Variants in AGO1 observed in about 807,000 individuals in gnomAD.
AGO1 encodes the protein argonaute RISC component 1.
A neutral mutation model predicts 109.2 loss-of-function variants in AGO1; 11 were observed. The ratio of observed to expected loss-of-function variants is 0.10; its 90% CI spans 0.06 to 0.17. AGO1 has a LOEUF of 0.17. Among genes scored for constraint, AGO1 ranks in the 10% least tolerant of loss-of-function variants. The probability of loss-of-function intolerance (pLI) is 1.00; values close to 1 mark genes in which losing one functional copy is unlikely to be tolerated. For synonymous variants in AGO1, 422 were observed against 418.6 expected (o/e 1.01, Z -0.10); for missense variants, 574 against 1,140.3 (o/e 0.50, Z 7.15).
At chr1:35,877,956 G>A (rs140988849) in intron 1 of AGO1, among the ~76,000 whole-genome samples, 53 of 152,126 alleles carry the variant, frequency 3.5e-4, no homozygotes, top group African/African-American at 1.2e-3. Context: ...TTCCCAAAGT[G>A]CTGGGATTAC....
chr1:35,903,831 C>T (rs540379096), intron 11 of AGO1, among the ~76,000 whole-genome samples: 2 of 146,764 alleles, frequency 1.4e-5, no homozygotes, highest in Non-Finnish European at 3.0e-5. Context: ...GGCGTGGTGG[C>T]GCGTGCCTGT....
At chr1:35,915,175 G>T (rs1645712316) in intron 14 of AGO1, among the ~76,000 whole-genome samples, 173 bp from the exon 15 acceptor site, 1 of 152,100 alleles carries the variant, frequency 6.6e-6, no homozygotes, top group Admixed American at 6.6e-5. Flanking sequence ...AGATCAGAGA[G>T]ATTGAGTAAC....
At chr1:35,876,250 C>CT (rs899071125) in intron 1 of AGO1, among the ~76,000 whole-genome samples, 29 of 150,084 alleles carry the variant, frequency 1.9e-4, no homozygotes, top group South Asian at 1.1e-3. Flanking sequence ...TGAGGAAATC[C>CT]TTTTTTTTTG....
chr1:35,889,250 C>G (rs1645174274), intron 2 of AGO1, among the ~76,000 whole-genome samples: 2 of 132,398 alleles, frequency 1.5e-5, no homozygotes, highest in South Asian at 2.3e-4. Flanking sequence ...GAGTTTTGCT[C>G]TTGCCCAGGC....
intron 11 of AGO1, among the ~76,000 whole-genome samples, chr1:35,904,886 G>A (rs1471909473): frequency 6.6e-6 from 1 of 152,188 alleles, no homozygotes; most frequent in African/African-American, 2.4e-5. Flanking sequence ...CACTGAGAAA[G>A]GGCATCCTTT....
intron 12 of AGO1, among the ~76,000 whole-genome samples, chr1:35,912,406 T>C (rs1645652384): frequency 6.7e-6 from 1 of 149,756 alleles, no homozygotes; most frequent in Admixed American, 6.6e-5. Flanking sequence ...CTACTACCTG[T>C]ACCTAATTAT....
At chr1:35,885,718 C>T (rs148209641) in intron 1 of AGO1, among the ~76,000 whole-genome samples, 1 of 152,370 alleles carries the variant, frequency 6.6e-6, no homozygotes, top group Non-Finnish European at 1.5e-5. Context: ...GTTCCAAGCA[C>T]ATACAGTGGA....
At position 35,925,204 on chromosome 1, in the gene AGO1, T is replaced by TC. The variant is rs375747906; in HGVS notation, c.*5598dup. On this transcript the variant is annotated 3_prime_UTR_variant, in exon 19 of 19. Coordinates refer to ENST00000373204, the MANE Select transcript of AGO1 (RefSeq NM_012199.5). ...CTGCAGAGAGGGAGTTCTTTTTTTT[T>TC]CTGTGTGTTTTACCTTTCTACTCCC... is the stretch of plus-strand genomic sequence containing the variant. 6.6e-6 allele frequency: 1 copy of TC among 151,768 alleles called. No homozygotes were observed. The highest frequency in any genetic ancestry group is 2.4e-5 in the African/African-American group (1 of 41,336). 9.4% of individuals were successfully genotyped at this position (151,768 alleles called of 1,614,324 possible). A position where few individuals can be genotyped will look rare whatever the true frequency, so the allele number is the denominator to read the frequency against.
rs1236070010 is a variant in AGO1, at chr1:35,901,100, C to A, written c.1021-374C>A. Among the ~76,000 whole-genome samples, 1 of 151,576 alleles carries A rather than the reference C, an allele frequency of 6.6e-6. No homozygotes were observed. The highest frequency in any genetic ancestry group is 1.5e-5 in the Non-Finnish European group (1 of 67,920). On this transcript the variant is annotated intron_variant, in intron 8 of 18. Coordinates refer to ENST00000373204, the MANE Select transcript of AGO1 (RefSeq NM_012199.5). The surrounding 1 kb of genome is among the most constrained non-coding windows in gnomAD (Gnocchi z 4.8). ...GGTTCAAGCGATTCTTGTTCCTCAG[C>A]CTCCTGAGTAGCTGGGATTACAGGC...
Position 35,907,046 on chromosome 1 carries a change from C to T in AGO1, c.1509C>T (p.Phe503=), listed in dbSNP as rs1466906554. 6.2e-7 allele frequency: 1 copy of T among 1,613,970 alleles called. No homozygotes were observed. Among genetic ancestry groups the T allele is most frequent in the African/African-American group, 1.3e-5 (1 of 74,894 alleles). Residue 503 remains phenylalanine (F), a synonymous_variant, in exon 12 of 19, where the codon TTC becomes TTT. Coordinates refer to ENST00000373204, the MANE Select transcript of AGO1 (RefSeq NM_012199.5). ...GGGCAGACAGCGTGGAGCCTATGTT[C>T]CGGCATCTCAAGAACACCTACTCAG... is the stretch of plus-strand genomic sequence containing the variant. ...AQGADSVEPM[F]RHLKNTYSGL... is the part of the protein sequence containing the mutation.
rs995984054 is a variant in AGO1 at position 35,893,963 on chromosome 1, G to T, written c.650-74G>T. ...ATCCCAATGCCCTTTAAGGAAGAGG[G>T]TATAAATTGCTGTGCCTCCATGTAT... is the stretch of plus-strand genomic sequence containing the variant. On this transcript the variant is annotated intron_variant, in intron 5 of 18. Transcript: ENST00000373204. The surrounding 1 kb of genome is among the most constrained non-coding windows in gnomAD (Gnocchi z 5.6). 69 of 1,521,676 alleles carry T rather than the reference G, an allele frequency of 4.5e-5. No homozygotes were observed. In the Middle Eastern group the frequency reaches 1.4e-3, roughly 32 times the overall value. The allele number at this position is 1,521,676 out of a possible 1,614,324, so 94.3% of individuals were successfully genotyped here.
Position 35,919,687 on chromosome 1 carries a change from C to A in AGO1, c.*80C>A. ...CTGTGCCACCCAAATCCAGAGGAAGCAAGGAGGAGGGAGGTGGGGTAGGGA... is the reference window on the plus strand; with the variant it reads ...CTGTGCCACCCAAATCCAGAGGAAGAAAGGAGGAGGGAGGTGGGGTAGGGA... On this transcript the variant is annotated 3_prime_UTR_variant, in exon 19 of 19. Transcript: ENST00000373204. The surrounding 1 kb of genome is among the most constrained non-coding windows in gnomAD (Gnocchi z 6.6). 2 of 1,367,586 alleles carry A rather than the reference C, an allele frequency of 1.5e-6. No homozygotes were observed. Among genetic ancestry groups the A allele is most frequent in the South Asian group, 1.3e-5 (1 of 79,138 alleles). 84.7% of individuals were successfully genotyped at this position (1,367,586 alleles called of 1,614,324 possible).
At chr1:35,899,727 T>C (rs1645381888) in intron 8 of AGO1, among the ~76,000 whole-genome samples, 1 of 152,240 alleles carries the variant, frequency 6.6e-6, no homozygotes, top group South Asian at 2.1e-4. Flanking sequence ...TTGTTTACCA[T>C]GAACTCTGGG....
In AGO1 at chr1:35,888,742, C is replaced by T. The variant is rs777743016; in HGVS notation, c.209+132C>T. 16 of 979,884 alleles carry T rather than the reference C, an allele frequency of 1.6e-5. No individual in the cohort carries two copies. The highest frequency in any genetic ancestry group is 2.9e-5 in the Admixed American group (1 of 34,626). The allele number at this position is 979,884 out of a possible 1,614,324, so 60.7% of individuals were successfully genotyped here. On this transcript the variant is annotated intron_variant, in intron 2 of 18. Transcript: ENST00000373204. The surrounding 1 kb of genome is among the most constrained non-coding windows in gnomAD (Gnocchi z 4.1). ...GGAAGTTTTTGAACGGGAGATGCCA[C>T]GTCGGGTAAATGCTGAAAAATAGTC...
At chr1:35,912,090 G>A (rs976744456) in intron 12 of AGO1, among the ~76,000 whole-genome samples, 4 of 152,118 alleles carry the variant, frequency 2.6e-5, no homozygotes, top group Non-Finnish European at 4.4e-5. Context: ...GGGCGCGGTG[G>A]CTCACGCGTG....
rs375451995 is a variant in AGO1 at position 35,925,494 on chromosome 1, A to G, written c.*5887A>G. The G allele has an allele frequency of 4.7e-5, 7 of 150,468 alleles. No homozygotes were observed. The highest frequency in any genetic ancestry group is 3.9e-4 in the East Asian group (2 of 5,154). The allele number at this position is 150,468 out of a possible 1,614,324, so 9.3% of individuals were successfully genotyped here. Reference sequence around the variant, plus strand: ...CCATAATTTGTCTTCTTTAGAGCCTATGAACTCCTAGGAGCAGAAGCTATA... The same window carrying G: ...CCATAATTTGTCTTCTTTAGAGCCTGTGAACTCCTAGGAGCAGAAGCTATA... On this transcript the variant is annotated 3_prime_UTR_variant, in exon 19 of 19. Transcript: ENST00000373204.
intron 8 of AGO1, among the ~76,000 whole-genome samples, chr1:35,899,385 AT>A (rs985893756): frequency 1.5e-4 from 23 of 151,960 alleles, no homozygotes; most frequent in Admixed American, 1.3e-3. Context: ...TCCTGTTTTC[AT>A]TTTTTTTGAG....
At chr1:35,878,895 G>GT (rs889655370), upstream of AGO1, among the ~76,000 whole-genome samples, 227 of 142,352 alleles carry the variant, frequency 1.6e-3, no homozygotes, top group South Asian at 6.8e-3. Flanking sequence ...TTCCTCAGTT[G>GT]TTTTTTTTTT....
At chr1:35,894,539 G>A (rs1645283716) in intron 7 of AGO1, 137 bp downstream of exon 7, 1 of 861,278 alleles carries the variant, frequency 1.2e-6, no homozygotes, top group Non-Finnish European at 1.8e-6. Flanking sequence ...AAGATAAGCT[G>A]TGGGAATTTG....
Sources: gnomAD v4.1 joint callset for allele counts (sites outside exome capture counted in the v4.1 genomes callset) on GRCh38, gnomAD v4.1.1 for gene constraint, Gnocchi (gnomAD v3.1) non-coding constraint, MANE v1.5 for transcripts, NCBI Gene and HGNC (gene_info 2026-07-23, HGNC 2026-07-21) for gene names.